The following DNAH5 variants were observed in gnomAD, a reference collection of about 807,000 sequenced individuals.
DNAH5 encodes the protein axonemal beta dynein heavy chain 5.
Under a neutral mutation model 518.2 loss-of-function variants are expected in DNAH5, and 372 were observed. The observed-to-expected ratio is 0.72, with a 90% CI of 0.66 to 0.78. The LOEUF (loss-of-function observed/expected upper bound fraction) is 0.78. Among genes scored for constraint, DNAH5 ranks in the 30% least tolerant of loss-of-function variants. The pLI, the probability that DNAH5 is intolerant of heterozygous loss-of-function variation, is 0.00. For synonymous variants in DNAH5, 2,039 were observed against 2,025.9 expected, an observed-to-expected ratio of 1.01 and a Z score of -0.17; for missense variants, 5,523 against 5,687.0, an observed-to-expected ratio of 0.97 and a Z score of 0.93.
chr5:13,743,267 G>T (rs539207889), intron 65 of DNAH5, among the ~76,000 whole-genome samples: 1 of 151,950 alleles, frequency 6.6e-6, no homozygotes, highest in Non-Finnish European at 1.5e-5. Flanking sequence ...AAATTCTAAG[G>T]CTACAATGTA....
chr5:13,799,871 C>T (rs561494649), intron 47 of DNAH5, among the ~76,000 whole-genome samples: 19 of 151,888 alleles, frequency 1.3e-4, no homozygotes, highest in Non-Finnish European at 2.5e-4. Flanking sequence ...GTTATATATG[C>T]TATGTATGTA....
At chr5:13,867,038 A>G (rs6886948) in intron 25 of DNAH5, among the ~76,000 whole-genome samples, 59,613 of 152,022 alleles carry the variant, frequency 0.39, 12,083 homozygotes, top group South Asian at 0.46. Context: ...GCTCTGTGTT[A>G]TTTGTGTAAC....
At chr5:13,749,160 A>C (rs1317399682) in intron 65 of DNAH5, among the ~76,000 whole-genome samples, 6 of 152,068 alleles carry the variant, frequency 3.9e-5, no homozygotes, top group Admixed American at 3.9e-4. Flanking sequence ...CTATCACAAG[A>C]CCTCATTTTG....
At chr5:13,753,095 G>T (rs1750470057) in intron 63 of DNAH5, 138 bp downstream of exon 63, 8 of 650,704 alleles carry the variant, frequency 1.2e-5, no homozygotes, top group Non-Finnish European at 2.2e-5. Flanking sequence ...TTAGATTTAA[G>T]CTTGCATCTG....
chr5:13,943,295 T>C (rs966351265), intron 1 of DNAH5, among the ~76,000 whole-genome samples: 5 of 152,212 alleles, frequency 3.3e-5, no homozygotes, highest in Non-Finnish European at 7.3e-5. Flanking sequence ...TATTTTAAAA[T>C]GGAGAGAACT....
chr5:13,752,086 G>A, intron 64 of DNAH5, 48 bp downstream of exon 64: 1 of 1,591,482 alleles, frequency 6.3e-7, no homozygotes, highest in Non-Finnish European at 8.6e-7. Context: ...CATTGACCTG[G>A]CCTCATGGTA....
intron 19 of DNAH5, among the ~76,000 whole-genome samples, chr5:13,883,879 T>C (rs1772006451): frequency 6.6e-6 from 1 of 151,962 alleles, no homozygotes; most frequent in Non-Finnish European, 1.5e-5. Context: ...TCTTTCAGAG[T>C]TTCCACTTTT....
chr5:13,915,128 C>T (rs1034712578), intron 9 of DNAH5, among the ~76,000 whole-genome samples: 2 of 152,096 alleles, frequency 1.3e-5, no homozygotes, highest in South Asian at 4.1e-4. Flanking sequence ...TTATTCATCT[C>T]TCCAAACTTC....
chr5:13,902,223 G>T, intron 12 of DNAH5, 85 bp from the exon 13 acceptor site: 2 of 975,068 alleles, frequency 2.1e-6, no homozygotes, highest in South Asian at 2.8e-5. Flanking sequence ...TCCATTCTGT[G>T]CAAACACATA....
At chr5:13,969,407 A>G (rs1781735948) in intron 1 of DNAH5, among the ~76,000 whole-genome samples, 2 of 152,014 alleles carry the variant, frequency 1.3e-5, no homozygotes, top group Non-Finnish European at 2.9e-5. Context: ...GTGTGATCTT[A>G]GATTATCTAT....
At chr5:13,756,837 C>G (rs1257841925) in intron 61 of DNAH5, among the ~76,000 whole-genome samples, 1 of 152,062 alleles carries the variant, frequency 6.6e-6, no homozygotes, top group Non-Finnish European at 1.5e-5. Flanking sequence ...GTTATTTTTC[C>G]TGATCCTCTC....
In DNAH5 at chr5:13,963,813, T is replaced by C. The variant is rs1023239028; in HGVS notation, c.13-32569A>G. 7.9e-5 allele frequency among the ~76,000 whole-genome samples: 12 copies of C among 152,188 alleles called. No individual in the cohort carries two copies. In the South Asian group the frequency reaches 2.5e-3, roughly 32 times the overall value. Reference sequence around the variant, plus strand: ...AAATGATCCTCCTGCCTCAGCCTCCTGAGTACATGGGACGACAGGCATGTG... The same window carrying C: ...AAATGATCCTCCTGCCTCAGCCTCCCGAGTACATGGGACGACAGGCATGTG... On this transcript the variant is annotated intron_variant, in intron 1 of 78. Transcript: ENST00000681290.
rs1409719852 is a variant in DNAH5 at position 13,753,388 on chromosome 5, T to G, written c.10717A>C (p.Ile3573Leu). 2 of 1,613,842 alleles carry G rather than the reference T, an allele frequency of 1.2e-6. No homozygotes were observed. Among genetic ancestry groups the G allele is most frequent in the Non-Finnish European group, 1.7e-6 (2 of 1,179,866 alleles). ...AGACCTTGGAGGTTCCATTCACTAA[T>G]AGTAGGAGCATCAATCAACATCTCA... ...LSEMLIDAPT[I>L]SEWNLQGLPN... The change falls in exon 63 of 79, where the codon ATT becomes CTT. Residue 3573 changes from isoleucine to leucine, a missense_variant. Physicochemically the swap from Ile to Leu is conservative, Grantham distance 5. Transcript: ENST00000265104.
intron 33 of DNAH5, 26 bp from the exon 34 acceptor site, chr5:13,841,156 G>A (rs1470901874): frequency 1.3e-6 from 2 of 1,520,458 alleles, no homozygotes; most frequent in East Asian, 4.5e-5. Flanking sequence ...AAGGCTTCAT[G>A]AATTTGTATG....
intron 47 of DNAH5, among the ~76,000 whole-genome samples, chr5:13,799,433 C>T (rs1486192863): frequency 5.9e-5 from 6 of 102,170 alleles, no homozygotes; most frequent in African/African-American, 1.4e-4. Flanking sequence ...AGCCACACAC[C>T]TATATTTTCT....
At chr5:13,713,256 C>T (rs190264932) in intron 75 of DNAH5, among the ~76,000 whole-genome samples, 1 of 139,654 alleles carries the variant, frequency 7.2e-6, no homozygotes. Context: ...TATATATATA[C>T]CGACATATAT....
intron 1 of DNAH5, among the ~76,000 whole-genome samples, chr5:14,000,444 T>G (rs339961): frequency 0.37 from 55,816 of 152,130 alleles, 10,923 homozygotes; most frequent in South Asian, 0.56. Flanking sequence ...TGTGATAATT[T>G]AGTGCTGCGG....
In DNAH5 at chr5:13,859,451, C is replaced by CCTCTT; in HGVS notation, c.4950_4950+1insAAGAG (p.Glu1651LysfsTer10). 6.2e-7 allele frequency: 1 copy of CCTCTT among 1,613,914 alleles called. No individual in the cohort carries two copies. The highest frequency in any genetic ancestry group is 8.5e-7 in the Non-Finnish European group (1 of 1,179,902). On this transcript the variant is annotated frameshift_variant and splice_region_variant. Transcript: ENST00000265104. LOFTEE classifies it high-confidence loss of function. ...TGAAATCATAAAGAAGATTACAAAA[C>CCTCTT]CTTGGGCAGCTGCTTGGCAATGTCT... is the stretch of plus-strand genomic sequence containing the variant.
chr5:13,932,197 G>C (rs1468320124), intron 1 of DNAH5: 1 of 152,208 alleles, frequency 6.6e-6, no homozygotes, highest in Non-Finnish European at 1.5e-5. Context: ...TGGCCTGGCT[G>C]GCAGGATGTG....
Sources: allele counts gnomAD v4.1 joint callset (sites outside exome capture counted in the v4.1 genomes callset), GRCh38; gene constraint gnomAD v4.1.1; transcripts MANE v1.5; gene names NCBI Gene and HGNC (gene_info 2026-07-23, HGNC 2026-07-21).